Variants in RFTN1 observed in about 807,000 individuals in gnomAD.
The protein encoded by RFTN1 is raftlin.
In RFTN1, 26 loss-of-function variants were observed where a neutral mutation model predicts 46.5. The ratio of observed to expected loss-of-function variants is 0.56; its 90% CI spans 0.41 to 0.78. The LOEUF is 0.78. RFTN1 is among the 30% of genes least tolerant of loss of function. The probability of loss-of-function intolerance (pLI) is 0.00; values close to 1 mark genes in which losing one functional copy is unlikely to be tolerated. For synonymous variants in RFTN1, 261 were observed against 284.2 expected (o/e 0.92, Z 0.82); for missense variants, 693 against 718.7 (o/e 0.96, Z 0.41).
intron 7 of RFTN1, among the ~76,000 whole-genome samples, chr3:16,330,656 A>G (rs1303866080): frequency 6.6e-6 from 1 of 152,234 alleles, no homozygotes; most frequent in Non-Finnish European, 1.5e-5. Context: ...AAAATGGAGC[A>G]TGTCCTGTGG....
rs906553089 is a variant in RFTN1, at chr3:16,483,117, T to C, written c.145+10608A>G. 6.6e-6 allele frequency among the ~76,000 whole-genome samples: 1 copy of C among 152,226 alleles called. No homozygotes were observed. The highest frequency in any genetic ancestry group is 1.5e-5 in the Non-Finnish European group (1 of 68,040). Reference sequence around the variant, plus strand: ...GCTGAAGAGCTGCAAATGTTATAGATGGATTTGTTATGTTCTAAAACTGCA... The same window carrying C: ...GCTGAAGAGCTGCAAATGTTATAGACGGATTTGTTATGTTCTAAAACTGCA... On this transcript the variant is annotated intron_variant, in intron 2 of 9. Coordinates refer to ENST00000334133, the MANE Select transcript of RFTN1 (RefSeq NM_015150.2). The surrounding 1 kb of genome is among the most constrained non-coding windows in gnomAD (Gnocchi z 4.8).
chr3:16,330,445 A>T (rs532609600), intron 7 of RFTN1, among the ~76,000 whole-genome samples: 1 of 152,382 alleles, frequency 6.6e-6, no homozygotes, highest in South Asian at 2.1e-4. Flanking sequence ...GGTAGGAAAC[A>T]TATCCGGATG....
intron 4 of RFTN1, 106 bp from the exon 5 acceptor site, chr3:16,378,208 G>T (rs1284621214): frequency 1.1e-6 from 1 of 895,256 alleles, no homozygotes; most frequent in Non-Finnish European, 1.7e-6. Context: ...GCTGTTTCAG[G>T]TGCAGGAGAA....
chr3:16,510,385 A>G (rs945642087), intron 1 of RFTN1, among the ~76,000 whole-genome samples: 5 of 152,170 alleles, frequency 3.3e-5, no homozygotes, highest in African/African-American at 1.2e-4. Flanking sequence ...GAAAGCACTC[A>G]ATCAATCTTC....
intron 7 of RFTN1, among the ~76,000 whole-genome samples, chr3:16,354,948 A>G (rs2072337207): frequency 1.3e-5 from 2 of 152,206 alleles, no homozygotes; most frequent in African/African-American, 2.4e-5. Flanking sequence ...TTGCCACTTT[A>G]TAATAAGGAT....
intron 4 of RFTN1, among the ~76,000 whole-genome samples, chr3:16,393,837 T>G (rs1037512764): frequency 6.6e-6 from 1 of 151,960 alleles, no homozygotes; most frequent in African/African-American, 2.4e-5. Context: ...TTTTTTGTAT[T>G]TTTAGTATAG....
In RFTN1 at chr3:16,407,998, C is replaced by G. The variant is rs1156287463; in HGVS notation, c.441+1377G>C. On this transcript the variant is annotated intron_variant, in intron 4 of 9. Coordinates refer to ENST00000334133, the MANE Select transcript of RFTN1 (RefSeq NM_015150.2). The surrounding 1 kb of genome is among the most constrained non-coding windows in gnomAD (Gnocchi z 4.0). ...TGAAGGGAGGGTGGCAGCAAGGAAA[C>G]AAATCTCCTTTAAAGGGACAGCCTA... is the stretch of plus-strand genomic sequence containing the variant. Among the ~76,000 whole-genome samples, 2 of 152,154 alleles carry G rather than the reference C, an allele frequency of 1.3e-5. No individual in the cohort carries two copies. The highest frequency in any genetic ancestry group is 2.4e-5 in the African/African-American group (1 of 41,432).
intron 2 of RFTN1, among the ~76,000 whole-genome samples, chr3:16,464,146 C>T (rs2076051318): frequency 6.6e-6 from 1 of 152,172 alleles, no homozygotes; most frequent in Non-Finnish European, 1.5e-5. Context: ...GAAGGGAAAG[C>T]CAACTGTGCA....
In RFTN1 at chr3:16,353,305, C is replaced by G. The variant is rs2072218487; in HGVS notation, c.1146+4627G>C. Among the ~76,000 whole-genome samples, 1 of 152,136 alleles carries G rather than the reference C, an allele frequency of 6.6e-6. No individual in the cohort carries two copies. The highest frequency in any genetic ancestry group is 1.5e-5 in the Non-Finnish European group (1 of 68,022). On this transcript the variant is annotated intron_variant, in intron 7 of 9. Coordinates refer to ENST00000334133, the MANE Select transcript of RFTN1 (RefSeq NM_015150.2). This position sits in a 1 kb window ranked among gnomAD's most constrained non-coding sequence, Gnocchi z 5.4. ...AGAAGACGTGAGAGCTGGAAAAATGCCCCCAGCCTTAGAGAGGGGCAGGCA... is the reference window on the plus strand; with the variant it reads ...AGAAGACGTGAGAGCTGGAAAAATGGCCCCAGCCTTAGAGAGGGGCAGGCA...
rs1357156007 is a variant in RFTN1 at position 16,346,992 on chromosome 3, T to G, written c.1146+10940A>C. 6.6e-6 allele frequency among the ~76,000 whole-genome samples: 1 copy of G among 152,238 alleles called. No homozygotes were observed. The highest frequency in any genetic ancestry group is 1.5e-5 in the Non-Finnish European group (1 of 68,040). On this transcript the variant is annotated intron_variant, in intron 7 of 9. Transcript: ENST00000334133. This position sits in a 1 kb window ranked among gnomAD's most constrained non-coding sequence, Gnocchi z 4.4. ...AACACCCCTACGGCTTAAGCCACTT[T>G]TAGTTGGATTTCCTGCTATGAACGG...
chr3:16,486,609 T>C (rs984347527), intron 2 of RFTN1, among the ~76,000 whole-genome samples: 1 of 152,222 alleles, frequency 6.6e-6, no homozygotes, highest in African/African-American at 2.4e-5. Context: ...CAAATTTGCA[T>C]AAAACTCCAA....
rs2075936421 is a variant in RFTN1, at chr3:16,457,742, C to T, written c.146-23705G>A. 6.6e-6 allele frequency among the ~76,000 whole-genome samples: 1 copy of T among 152,106 alleles called. No homozygotes were observed. Among genetic ancestry groups the T allele is most frequent in the Non-Finnish European group, 1.5e-5 (1 of 68,026 alleles). Reference sequence around the variant, plus strand: ...ACTATTAGACAAAGGAGACTTTTTACCATTAAGACTTAATTCGATAGACAT... The same window carrying T: ...ACTATTAGACAAAGGAGACTTTTTATCATTAAGACTTAATTCGATAGACAT... On this transcript the variant is annotated intron_variant, in intron 2 of 9. Coordinates refer to ENST00000334133, the MANE Select transcript of RFTN1 (RefSeq NM_015150.2). The surrounding 1 kb of genome is among the most constrained non-coding windows in gnomAD (Gnocchi z 4.2).
At chr3:16,319,074 T>C (rs892625319) in intron 9 of RFTN1, among the ~76,000 whole-genome samples, 1 of 152,226 alleles carries the variant, frequency 6.6e-6, no homozygotes, top group Non-Finnish European at 1.5e-5. Flanking sequence ...TCGTAACTGC[T>C]GCCCTGTGTT....
At chr3:16,437,051 G>C (rs1468211553) in intron 2 of RFTN1, among the ~76,000 whole-genome samples, 1 of 152,180 alleles carries the variant, frequency 6.6e-6, no homozygotes, top group Non-Finnish European at 1.5e-5. Context: ...CAAGAAACTG[G>C]CAAAATTTTG....
In RFTN1 at chr3:16,512,188, C is replaced by G. The variant is rs2076912217; in HGVS notation, c.-9+1254G>C. Among the ~76,000 whole-genome samples the G allele has an allele frequency of 6.6e-6, 1 of 152,094 alleles. No homozygotes were observed. The highest frequency in any genetic ancestry group is 2.1e-4 in the South Asian group (1 of 4,808). On this transcript the variant is annotated intron_variant, in intron 1 of 9. Transcript: ENST00000334133. This position sits in a 1 kb window ranked among gnomAD's most constrained non-coding sequence, Gnocchi z 4.3. ...CTGTTCAGAGATACAAATTAGGAAT[C>G]CCGGCAGCAGAGAGGCCCTACCCAC...
intron 7 of RFTN1, among the ~76,000 whole-genome samples, chr3:16,350,664 A>G (rs2072039111): frequency 2.0e-5 from 3 of 152,144 alleles, no homozygotes; most frequent in African/African-American, 4.8e-5. Flanking sequence ...CACCTGTGCT[A>G]TGATTTGCTT....
rs1234706884 is a variant in RFTN1, at chr3:16,427,606, A to T, written c.332+6245T>A. On this transcript the variant is annotated intron_variant, in intron 3 of 9. Coordinates refer to ENST00000334133, the MANE Select transcript of RFTN1 (RefSeq NM_015150.2). This position sits in a 1 kb window ranked among gnomAD's most constrained non-coding sequence, Gnocchi z 5.4. ...ACTCCAAGCATATGGTCAATTTGGGATGAAGCAGCTCACCGTAACTCTCAA... is the reference window on the plus strand; with the variant it reads ...ACTCCAAGCATATGGTCAATTTGGGTTGAAGCAGCTCACCGTAACTCTCAA... Among the ~76,000 whole-genome samples the T allele has an allele frequency of 6.6e-6, 1 of 152,194 alleles. No homozygotes were observed. Among genetic ancestry groups the T allele is most frequent in the African/African-American group, 2.4e-5 (1 of 41,448 alleles).
rs573635673 is a variant in RFTN1 at position 16,384,725 on chromosome 3, A to G, written c.442-6623T>C. On this transcript the variant is annotated intron_variant, in intron 4 of 9. Transcript: ENST00000334133. This position sits in a 1 kb window ranked among gnomAD's most constrained non-coding sequence, Gnocchi z 4.7. ...GAGCTGTGCTGTCCAATAGGTAGCC[A>G]CTAGCCACATGTGGCTATTTAAATT... is the stretch of plus-strand genomic sequence containing the variant. Among the ~76,000 whole-genome samples the G allele has an allele frequency of 3.3e-5, 5 of 152,360 alleles. No individual in the cohort carries two copies. In the East Asian group the frequency reaches 5.8e-4, roughly 18 times the overall value.
rs970609646 is a variant in RFTN1 at position 16,348,117 on chromosome 3, C to G, written c.1146+9815G>C. On this transcript the variant is annotated intron_variant, in intron 7 of 9. Transcript: ENST00000334133. This position sits in a 1 kb window ranked among gnomAD's most constrained non-coding sequence, Gnocchi z 6.3. Reference sequence around the variant, plus strand: ...ACACTCCTCTGTCATCGACGAGGACCACCTCGGAGCACTTGTGGCTCTTGT... The same window carrying G: ...ACACTCCTCTGTCATCGACGAGGACGACCTCGGAGCACTTGTGGCTCTTGT... The G allele has an allele frequency of 6.6e-6, 1 of 150,988 alleles. No homozygotes were observed. Among genetic ancestry groups the G allele is most frequent in the Non-Finnish European group, 1.5e-5 (1 of 68,048 alleles). The allele number at this position is 150,988 out of a possible 1,614,324, so 9.4% of individuals were successfully genotyped here.
Sources: allele counts gnomAD v4.1 joint callset (sites outside exome capture counted in the v4.1 genomes callset), GRCh38; gene constraint gnomAD v4.1.1; non-coding constraint Gnocchi (gnomAD v3.1); transcripts MANE v1.5; gene names NCBI Gene and HGNC (gene_info 2026-07-23, HGNC 2026-07-21).